CNIH3: variants seen among roughly 807,000 people sequenced by gnomAD.
The protein encoded by CNIH3 is cornichon family AMPA receptor auxiliary protein 3, also known as protein cornichon homolog 3.
In CNIH3, 14 loss-of-function variants were observed where a neutral mutation model predicts 24.1. That is an observed-to-expected ratio of 0.58 (90% confidence interval 0.38 to 0.91). The LOEUF (loss-of-function observed/expected upper bound fraction) is 0.91. Among genes scored for constraint, CNIH3 ranks in the 40% least tolerant of loss-of-function variants. The pLI, the probability that CNIH3 is intolerant of heterozygous loss-of-function variation, is 0.00. For synonymous variants in CNIH3, 68 were observed against 73.8 expected (o/e 0.92, Z 0.40); for missense variants, 178 against 196.8 (o/e 0.90, Z 0.57).
At chr1:224,652,090 C>A (rs1684885892) in intron 1 of CNIH3, among the ~76,000 whole-genome samples, 1 of 152,034 alleles carries the variant, frequency 6.6e-6, no homozygotes, top group South Asian at 2.1e-4. Context: ...ACATTATTGA[C>A]CTGTTGGATA....
intron 3 of CNIH3, among the ~76,000 whole-genome samples, chr1:224,608,612 G>T (rs1682540304): frequency 6.6e-6 from 1 of 152,254 alleles, no homozygotes; most frequent in African/African-American, 2.4e-5. Context: ...TAGGTCAGGG[G>T]TCGATCTTTA....
chr1:224,573,111 G>A lies in CNIH3; in HGVS notation n.516+6847G>A, dbSNP rs12036654. Among the ~76,000 whole-genome samples the A allele has an allele frequency of 4.5e-3, 686 of 152,176 alleles. 18 individuals carry two copies. In the East Asian group the frequency reaches 0.069, roughly 15 times the overall value. ...TTATTTCTGTAATATCACTAGTAATGTTCCCAGCATCGTTTTGTATTTTAG... is the reference window on the plus strand; with the variant it reads ...TTATTTCTGTAATATCACTAGTAATATTCCCAGCATCGTTTTGTATTTTAG... On this transcript the variant is annotated intron_variant and non_coding_transcript_variant, in intron 4 of 5. Transcript: ENST00000471578.
chr1:224,605,307 A>G lies in CNIH3; in HGVS notation n.402+39043A>G, dbSNP rs1483657400. ...CATTTGGCTGCCTCCTGTTGCTATCAAAACTGCCTTTGCAAAAGTATGACA... is the reference window on the plus strand; with the variant it reads ...CATTTGGCTGCCTCCTGTTGCTATCGAAACTGCCTTTGCAAAAGTATGACA... On this transcript the variant is annotated intron_variant and non_coding_transcript_variant, in intron 3 of 7. Transcript: ENST00000478120. Among the ~76,000 whole-genome samples the G allele has an allele frequency of 2.6e-5, 4 of 152,226 alleles. No homozygotes were observed. The East Asian group carries it at 7.7e-4, about 29-fold the overall frequency.
intron 1 of CNIH3, among the ~76,000 whole-genome samples, chr1:224,438,976 GT>G (rs1674780893): frequency 6.6e-6 from 1 of 152,148 alleles, no homozygotes; most frequent in Non-Finnish European, 1.5e-5. Context: ...GTGTAAGATG[GT>G]TTTTTGGTTA....
intron 1 of CNIH3, among the ~76,000 whole-genome samples, chr1:224,667,524 G>A (rs761721448): frequency 4.8e-4 from 73 of 152,136 alleles, no homozygotes; most frequent in Non-Finnish European, 9.0e-4. Flanking sequence ...GACAATGAAC[G>A]GAAGAGGAAA....
intron 1 of CNIH3, among the ~76,000 whole-genome samples, chr1:224,636,091 G>T (rs114963428): frequency 1.3e-5 from 2 of 152,116 alleles, no homozygotes; most frequent in Admixed American, 1.3e-4. Flanking sequence ...ACAGTAAAAC[G>T]TCTGGGGTCA....
chr1:224,598,296 A>T (rs1253941874), intron 3 of CNIH3, among the ~76,000 whole-genome samples: 1 of 152,204 alleles, frequency 6.6e-6, no homozygotes, highest in Non-Finnish European at 1.5e-5. Flanking sequence ...ATGGGAGACA[A>T]TTGCTGCAAT....
chr1:224,495,648 A>G (rs1327458807), intron 1 of CNIH3, among the ~76,000 whole-genome samples: 3 of 152,182 alleles, frequency 2.0e-5, no homozygotes, highest in African/African-American at 7.2e-5. Context: ...TTACTGCTCC[A>G]AGGGGTCCTC....
intron 5 of CNIH3, among the ~76,000 whole-genome samples, chr1:224,586,790 A>T (rs1434100620): frequency 1.3e-5 from 2 of 152,208 alleles, no homozygotes; most frequent in Non-Finnish European, 2.9e-5. Flanking sequence ...TCCTTATAAG[A>T]AGAGGAGAGG....
intron 3 of CNIH3, among the ~76,000 whole-genome samples, chr1:224,705,601 A>G (rs13374273): frequency 0.023 from 3,557 of 152,256 alleles, 141 homozygotes; most frequent in African/African-American, 0.081. Context: ...TGAACCTGTG[A>G]TAGGAATTGC....
chr1:224,480,053 C>T (rs756149558), intron 1 of CNIH3, among the ~76,000 whole-genome samples: 23 of 152,224 alleles, frequency 1.5e-4, no homozygotes, highest in Non-Finnish European at 3.1e-4. Context: ...AAACTTCTGT[C>T]TGGGTATCCA....
chr1:224,701,722 C>T (rs532892033), intron 3 of CNIH3, among the ~76,000 whole-genome samples: 3 of 152,226 alleles, frequency 2.0e-5, no homozygotes, highest in South Asian at 2.1e-4. Context: ...TGATCTCACT[C>T]GCGACAGCCC....
At chr1:224,650,614 G>A (rs1273983644) in intron 1 of CNIH3, among the ~76,000 whole-genome samples, 2 of 151,842 alleles carry the variant, frequency 1.3e-5, no homozygotes, top group Admixed American at 6.6e-5. Flanking sequence ...GGAGGGGTGG[G>A]CAGTGGAGGG....
chr1:224,632,110 A>T (rs1418830103), intron 1 of CNIH3, among the ~76,000 whole-genome samples: 24 of 151,518 alleles, frequency 1.6e-4, no homozygotes. Context: ...AAATAAGGGG[A>T]GACACATTGC....
chr1:224,576,752 GCAAA>G (rs891374404), intron 4 of CNIH3, among the ~76,000 whole-genome samples: 1 of 152,022 alleles, frequency 6.6e-6, no homozygotes. Context: ...AAGTAAGCAA[GCAAA>G]CAAACAAACC....
chr1:224,501,403 T>C (rs1354177232), intron 1 of CNIH3, among the ~76,000 whole-genome samples: 8 of 151,982 alleles, frequency 5.3e-5, no homozygotes, highest in Non-Finnish European at 1.0e-4. Flanking sequence ...CAGATACTAT[T>C]ATTATTGTAT....
At chr1:224,633,573 A>T (rs1170103288) in intron 1 of CNIH3, among the ~76,000 whole-genome samples, 1 of 152,230 alleles carries the variant, frequency 6.6e-6, no homozygotes, top group Non-Finnish European at 1.5e-5. Flanking sequence ...GCTTCAAACA[A>T]TAGAATAGCC....
intron 1 of CNIH3, among the ~76,000 whole-genome samples, chr1:224,669,096 C>T (rs1015116740): frequency 6.6e-6 from 1 of 152,178 alleles, no homozygotes; most frequent in African/African-American, 2.4e-5. Flanking sequence ...TGGATTTCAC[C>T]CTGACCCAGA....
At chr1:224,505,722 T>C (rs546035086) in intron 1 of CNIH3, among the ~76,000 whole-genome samples, 1 of 152,332 alleles carries the variant, frequency 6.6e-6, no homozygotes, top group African/African-American at 2.4e-5. Context: ...TTTATTTAGA[T>C]TGTTTGTGCC....
Sources: allele counts gnomAD v4.1 joint callset (sites outside exome capture counted in the v4.1 genomes callset), GRCh38; gene constraint gnomAD v4.1.1; transcripts MANE v1.5; gene names NCBI Gene and HGNC (gene_info 2026-07-23, HGNC 2026-07-21).